The following LARGE1 variants were observed in gnomAD, a reference collection of about 807,000 sequenced individuals.
LARGE1 encodes LARGE xylosyl- and glucuronyltransferase 1, also known as xylosyl- and glucuronyltransferase LARGE1.
In LARGE1, 43 loss-of-function variants were observed where a neutral mutation model predicts 87.6. The ratio of observed to expected loss-of-function variants is 0.49; its 90% confidence interval spans 0.38 to 0.63. LARGE1 has a LOEUF of 0.63. Ranked by LOEUF, LARGE1 falls within the 30% of genes least tolerant of loss-of-function variation. LARGE1 has a pLI of 0.00. For synonymous variants in LARGE1, 434 were observed against 394.6 expected, an observed-to-expected ratio of 1.10 and a Z score of -1.18; for missense variants, 802 against 1,000.2, an observed-to-expected ratio of 0.80 and a Z score of 2.67.
intron 12 of LARGE1, among the ~76,000 whole-genome samples, chr22:33,303,073 C>T (rs1934380982): frequency 6.6e-6 from 1 of 152,284 alleles, no homozygotes; most frequent in East Asian, 1.9e-4. Context: ...CTTTAGTTTT[C>T]TCATGTGTGA....
At chr22:33,736,006 T>G (rs1249754730) in intron 2 of LARGE1, among the ~76,000 whole-genome samples, 1 of 152,258 alleles carries the variant, frequency 6.6e-6, no homozygotes, top group Admixed American at 6.5e-5. Flanking sequence ...TTCCATTGTA[T>G]GGCTAGACCA....
chr22:33,490,818 C>T (rs1028221850), intron 6 of LARGE1, among the ~76,000 whole-genome samples: 11 of 152,242 alleles, frequency 7.2e-5, no homozygotes, highest in African/African-American at 2.7e-4. Context: ...TTTAGTAGCT[C>T]TTCGCCGGTG....
the LARGE1 span, among the ~76,000 whole-genome samples, chr22:33,119,727 G>A: frequency 1.3e-5 from 2 of 152,150 alleles, no homozygotes; most frequent in African/African-American, 2.4e-5. Flanking sequence ...CACCCTGAGG[G>A]GTCTTTTTGT....
chr22:33,835,241 G>A (rs1177665015), intron 1 of LARGE1, among the ~76,000 whole-genome samples: 1 of 152,216 alleles, frequency 6.6e-6, no homozygotes, highest in Non-Finnish European at 1.5e-5. Context: ...CACACAATAT[G>A]TGGCATTTTT....
intron 6 of LARGE1, among the ~76,000 whole-genome samples, chr22:33,536,497 T>C (rs1569248062): frequency 6.6e-6 from 1 of 152,240 alleles, no homozygotes; most frequent in East Asian, 1.9e-4. Context: ...ACCAGACAGA[T>C]AAGGCACTTT....
chr22:33,513,506 A>G (rs1451609454), intron 6 of LARGE1, among the ~76,000 whole-genome samples: 1 of 152,168 alleles, frequency 6.6e-6, no homozygotes, highest in Non-Finnish European at 1.5e-5. Context: ...AGAATGATGG[A>G]GACCAGCAGA....
chr22:33,197,246 T>C (rs1924129385), intron 11 of LARGE1, among the ~76,000 whole-genome samples: 1 of 152,082 alleles, frequency 6.6e-6, no homozygotes, highest in Non-Finnish European at 1.5e-5. Flanking sequence ...GGATACCTGC[T>C]CTTATAACTT....
chr22:33,216,608 A>AAAAAG (rs1186352063), intron 11 of LARGE1, among the ~76,000 whole-genome samples: 7 of 150,200 alleles, frequency 4.7e-5, no homozygotes, highest in South Asian at 2.1e-4. Context: ...AAAAAAAAAA[A>AAAAAG]AAAAGAAAAG....
At position 33,896,914 on chromosome 22, in the gene LARGE1, G is replaced by A. The variant is rs533019699; in HGVS notation, c.-83+23081C>T. 3.9e-5 allele frequency among the ~76,000 whole-genome samples: 6 copies of A among 152,276 alleles called. No homozygotes were observed. In the South Asian group the frequency reaches 6.2e-4, roughly 16 times the overall value. ...AACCCAGCACAGAACCTTCCCCGCC[G>A]ACCAGACCTGATGGTGGGGTATCAG... On this transcript the variant is annotated intron_variant, in intron 1 of 14. Coordinates refer to ENST00000397394, the MANE Select transcript of LARGE1 (RefSeq NM_133642.5).
chr22:33,589,504 T>G (rs1272482504), intron 5 of LARGE1, among the ~76,000 whole-genome samples: 1 of 152,162 alleles, frequency 6.6e-6, no homozygotes, highest in African/African-American at 2.4e-5. Flanking sequence ...AATTAATATT[T>G]TCATTAATTT....
At chr22:33,539,448 C>T (rs1281421835) in intron 6 of LARGE1, among the ~76,000 whole-genome samples, 2 of 152,162 alleles carry the variant, frequency 1.3e-5, no homozygotes, top group Non-Finnish European at 2.9e-5. Context: ...AAATAACTTG[C>T]TCAAACATAT....
rs376956622 is a variant in LARGE1, at chr22:33,820,111, C to T, written c.-82-58553G>A. Reference sequence around the variant, plus strand: ...TTCTGTGAGTGCAAAATAAACATCCCGGGTCATTATGAATTTGGGGGTCCA... The same window carrying T: ...TTCTGTGAGTGCAAAATAAACATCCTGGGTCATTATGAATTTGGGGGTCCA... On this transcript the variant is annotated intron_variant, in intron 1 of 14. Coordinates refer to ENST00000397394, the MANE Select transcript of LARGE1 (RefSeq NM_133642.5). Among the ~76,000 whole-genome samples the T allele has an allele frequency of 8.0e-4, 122 of 152,148 alleles. 2 individuals carry two copies. In the South Asian group the frequency reaches 0.025, roughly 31 times the overall value.
chr22:33,756,985 T>C (rs1351637438), intron 2 of LARGE1, among the ~76,000 whole-genome samples: 1 of 152,030 alleles, frequency 6.6e-6, no homozygotes, highest in African/African-American at 2.4e-5. Flanking sequence ...GAATGCTGAC[T>C]GAGATGTTAG....
At chr22:33,477,317 G>C (rs117361009) in intron 6 of LARGE1, among the ~76,000 whole-genome samples, 1 of 152,156 alleles carries the variant, frequency 6.6e-6, no homozygotes, top group Non-Finnish European at 1.5e-5. Context: ...ATAAGGAATG[G>C]GGAATTTTTC....
intron 6 of LARGE1, among the ~76,000 whole-genome samples, chr22:33,508,822 A>G (rs1006041227): frequency 6.6e-6 from 1 of 152,208 alleles, no homozygotes; most frequent in Non-Finnish European, 1.5e-5. Context: ...GTTTGCATGC[A>G]AAAGGAAAAT....
At chr22:33,121,061 C>A in the LARGE1 span, among the ~76,000 whole-genome samples, 2 of 151,830 alleles carry the variant, frequency 1.3e-5, no homozygotes, top group Admixed American at 6.6e-5. Flanking sequence ...GCAGAAGGGC[C>A]TGATATTTAA....
chr22:33,667,785 T>C (rs1033332932), intron 2 of LARGE1, among the ~76,000 whole-genome samples: 2 of 152,198 alleles, frequency 1.3e-5, no homozygotes, highest in African/African-American at 4.8e-5. Flanking sequence ...CATACAAACA[T>C]GCATTTATTG....
intron 5 of LARGE1, among the ~76,000 whole-genome samples, chr22:33,586,266 C>A (rs1282460407): frequency 6.6e-6 from 1 of 152,180 alleles, no homozygotes; most frequent in Non-Finnish European, 1.5e-5. Context: ...CGCTCGCATG[C>A]ACACAAAGCC....
intron 1 of LARGE1, among the ~76,000 whole-genome samples, chr22:33,783,110 T>A (rs1471106455): frequency 1.3e-5 from 2 of 151,904 alleles, no homozygotes; most frequent in African/African-American, 4.8e-5. Context: ...CAAGATCATA[T>A]AAAGGGCCAA....
Sources: gnomAD v4.1 joint callset for allele counts (sites outside exome capture counted in the v4.1 genomes callset) on GRCh38, gnomAD v4.1.1 for gene constraint, MANE v1.5 for transcripts, NCBI Gene and HGNC (gene_info 2026-07-23, HGNC 2026-07-21) for gene names.